OPCML: variants seen among roughly 807,000 people sequenced by gnomAD.
The protein encoded by OPCML is opioid-binding protein/cell adhesion molecule.
A neutral mutation model predicts 37.8 loss-of-function variants in OPCML; 13 were observed. The observed-to-expected ratio is 0.34, with a 90% confidence interval of 0.22 to 0.55. OPCML has a LOEUF of 0.55. Among genes scored for constraint, OPCML ranks in the 20% least tolerant of loss-of-function variants. The pLI is 0.91. For synonymous variants in OPCML, 176 were observed against 168.8 expected (o/e 1.04, Z -0.33); for missense variants, 341 against 435.6 (o/e 0.78, Z 1.93).
intron 1 of OPCML, among the ~76,000 whole-genome samples, chr11:133,016,354 C>T (rs1947335540): frequency 6.6e-6 from 1 of 152,118 alleles, no homozygotes; most frequent in Admixed American, 6.5e-5. Flanking sequence ...GACTGAAGTC[C>T]TTGATTCCTT....
At chr11:133,307,093 G>C (rs531817585) in intron 1 of OPCML, among the ~76,000 whole-genome samples, 12 of 152,022 alleles carry the variant, frequency 7.9e-5, no homozygotes, top group Non-Finnish European at 1.8e-4. Flanking sequence ...ACCTCCCTCC[G>C]CTGTTCCTCC....
chr11:132,730,929 G>C (rs1330905075), intron 2 of OPCML, among the ~76,000 whole-genome samples: 1 of 152,216 alleles, frequency 6.6e-6, no homozygotes, highest in Non-Finnish European at 1.5e-5. Context: ...ATCAGCTCAG[G>C]ATAGTCTTGA....
At chr11:132,676,307 C>T (rs1942698707) in intron 2 of OPCML, among the ~76,000 whole-genome samples, 1 of 151,996 alleles carries the variant, frequency 6.6e-6, no homozygotes, top group Non-Finnish European at 1.5e-5. Flanking sequence ...TGTATCAAAA[C>T]CCTAAAGGTA....
At chr11:132,456,939 C>T (rs187569973) in intron 4 of OPCML, among the ~76,000 whole-genome samples, 2 of 152,190 alleles carry the variant, frequency 1.3e-5, no homozygotes, top group Admixed American at 1.3e-4. Context: ...GGCAATCACT[C>T]CCTTCAGGGA....
chr11:132,570,006 A>T (rs767097733), intron 3 of OPCML, among the ~76,000 whole-genome samples: 9 of 152,008 alleles, frequency 5.9e-5, no homozygotes, highest in Non-Finnish European at 8.8e-5. Context: ...GGATTTCAGT[A>T]GCAGAGGTGA....
At chr11:132,686,575 T>C (rs1384017871) in intron 2 of OPCML, among the ~76,000 whole-genome samples, 1 of 152,222 alleles carries the variant, frequency 6.6e-6, no homozygotes, top group East Asian at 1.9e-4. Context: ...GGCCAGCACA[T>C]GGGTTCTCTG....
intron 1 of OPCML, among the ~76,000 whole-genome samples, chr11:133,291,441 C>G (rs943756203): frequency 2.0e-5 from 3 of 152,198 alleles, no homozygotes; most frequent in Non-Finnish European, 2.9e-5. Flanking sequence ...GCCCCCTTCC[C>G]TTGGTGGTCA....
intron 4 of OPCML, among the ~76,000 whole-genome samples, chr11:132,460,324 C>T (rs909421257): frequency 2.0e-5 from 3 of 152,098 alleles, no homozygotes; most frequent in Non-Finnish European, 2.9e-5. Context: ...TGTGAAACCT[C>T]CATTGCTTTT....
In OPCML at chr11:132,437,350, C is replaced by T; in HGVS notation, c.515G>A (p.Gly172Asp). 6.2e-7 allele frequency: 1 copy of T among 1,614,124 alleles called. No homozygotes were observed. Among genetic ancestry groups the T allele is most frequent in the Admixed American group, 1.7e-5 (1 of 60,004 alleles). ...CAGGTACTCATCCTCACTTACAAAG[C>T]CCTGGCCTTCTGGGAAGAAAGAAGC... ...WRHLSVKEGQ[G>D]FVSEDEYLEI... is the part of the protein sequence containing the mutation. The change falls in exon 5 of 8, where the codon GGC becomes GAC. Residue 172 changes from glycine to aspartate, a missense_variant. By Grantham distance (94) the Gly-to-Asp change is moderately conservative (BLOSUM62 -1). Coordinates refer to ENST00000524381, the MANE Select transcript of OPCML (RefSeq NM_001012393.5).
chr11:132,872,306 T>C (rs1942829714), intron 2 of OPCML, among the ~76,000 whole-genome samples: 1 of 152,212 alleles, frequency 6.6e-6, no homozygotes, highest in South Asian at 2.1e-4. Flanking sequence ...TTCCATTAAA[T>C]CTGCCTCCTG....
chr11:132,946,302 A>G (rs1450213833), intron 1 of OPCML, among the ~76,000 whole-genome samples: 1 of 152,240 alleles, frequency 6.6e-6, no homozygotes, highest in Non-Finnish European at 1.5e-5. Flanking sequence ...CTGTTTTACA[A>G]TCACCTTTTT....
rs560995672 is a variant in OPCML, at chr11:132,516,420, T to C, written c.505+12641A>G. On this transcript the variant is annotated intron_variant, in intron 4 of 7. Coordinates refer to ENST00000524381, the MANE Select transcript of OPCML (RefSeq NM_001012393.5). ...AAATCTCCACTGTCTTCCCCTTTTT[T>C]TTCTCTGGCACGCTACAGGATCGAT... 3.3e-5 allele frequency among the ~76,000 whole-genome samples: 5 copies of C among 152,294 alleles called. No individual in the cohort carries two copies. The South Asian group carries it at 1.0e-3, about 32-fold the overall frequency.
chr11:133,293,103 G>A (rs1942525129), intron 1 of OPCML, among the ~76,000 whole-genome samples: 1 of 152,150 alleles, frequency 6.6e-6, no homozygotes, highest in African/African-American at 2.4e-5. Flanking sequence ...CTCAGTCTGG[G>A]AGAAGTTTTC....
chr11:133,319,188 T>C (rs1943272926), intron 1 of OPCML, among the ~76,000 whole-genome samples: 1 of 152,196 alleles, frequency 6.6e-6, no homozygotes, highest in African/African-American at 2.4e-5. Context: ...AAAGAGTCTG[T>C]TCTTTTGGTG....
intron 2 of OPCML, among the ~76,000 whole-genome samples, chr11:132,907,456 C>A (rs184947460): frequency 6.6e-4 from 100 of 152,164 alleles, no homozygotes; most frequent in African/African-American, 2.3e-3. Context: ...CATGGTGAAA[C>A]CCCATCTCTA....
At chr11:133,258,436 C>A (rs1043139917) in intron 1 of OPCML, among the ~76,000 whole-genome samples, 10 of 152,168 alleles carry the variant, frequency 6.6e-5, no homozygotes, top group African/African-American at 2.4e-4. Context: ...GAAGGCTTGC[C>A]GATGAGCACG....
chr11:133,235,578 C>T (rs766341866), intron 1 of OPCML, among the ~76,000 whole-genome samples: 42 of 152,184 alleles, frequency 2.8e-4, no homozygotes, highest in Non-Finnish European at 2.5e-4. Flanking sequence ...CAAGACATGG[C>T]AGAAGTCAGA....
intron 1 of OPCML, among the ~76,000 whole-genome samples, chr11:133,037,418 A>T (rs1947802434): frequency 1.3e-5 from 2 of 152,208 alleles, no homozygotes; most frequent in Admixed American, 6.5e-5. Context: ...AGAGTCTTTC[A>T]AAGTGGATTA....
chr11:133,404,200 G>C (rs1945476018), intron 1 of OPCML, among the ~76,000 whole-genome samples: 1 of 152,168 alleles, frequency 6.6e-6, no homozygotes, highest in South Asian at 2.1e-4. Flanking sequence ...GTGTACCTTT[G>C]TGTCCACATT....
Sources: allele counts gnomAD v4.1 joint callset (sites outside exome capture counted in the v4.1 genomes callset), GRCh38; gene constraint gnomAD v4.1.1; transcripts MANE v1.5; gene names NCBI Gene and HGNC (gene_info 2026-07-23, HGNC 2026-07-21).